Variants in CAST observed in about 807,000 individuals in gnomAD.
The protein encoded by CAST is calpastatin.
Under a neutral mutation model 119.6 loss-of-function variants are expected in CAST, and 76 were observed. That is an observed-to-expected ratio of 0.64 (90% CI 0.53 to 0.77). The LOEUF is 0.77. Ranked by LOEUF, CAST falls within the 30% of genes least tolerant of loss-of-function variation. The probability of loss-of-function intolerance (pLI) is 0.00; values close to 1 mark genes in which losing one functional copy is unlikely to be tolerated. For missense variants in CAST, 953 were observed against 946.5 expected, an observed-to-expected ratio of 1.01 and a Z score of -0.09; for synonymous variants, 319 against 331.6, an observed-to-expected ratio of 0.96 and a Z score of 0.41.
intron 3 of CAST, among the ~76,000 whole-genome samples, chr5:96,703,560 C>T (rs1431508060): frequency 6.6e-6 from 1 of 152,186 alleles, no homozygotes; most frequent in South Asian, 2.1e-4. Context: ...ACTTTCTCTT[C>T]TGTATGGTTA....
intron 1 of CAST, among the ~76,000 whole-genome samples, chr5:96,653,042 T>G (rs201184877): frequency 3.3e-5 from 5 of 152,226 alleles, no homozygotes; most frequent in African/African-American, 1.2e-4. Flanking sequence ...AGCCTGAGTT[T>G]CCCACAGCCA....
chr5:96,593,063 C>G (rs1012787634), intron 1 of CAST, among the ~76,000 whole-genome samples: 1 of 152,234 alleles, frequency 6.6e-6, no homozygotes, highest in Non-Finnish European at 1.5e-5. Flanking sequence ...CTGTGCCCAG[C>G]CTGGCACTTA....
chr5:96,446,861 G>A, the CAST span, among the ~76,000 whole-genome samples: 1 of 152,208 alleles, frequency 6.6e-6, no homozygotes, highest in Non-Finnish European at 1.5e-5. Context: ...TGGAATATGA[G>A]CATGCCACCT....
At chr5:96,100,694 A>C in the CAST span, among the ~76,000 whole-genome samples, 1 of 152,164 alleles carries the variant, frequency 6.6e-6, no homozygotes, top group Non-Finnish European at 1.5e-5. Flanking sequence ...AAGGCAAAGA[A>C]GTATAGTAAT....
At chr5:96,429,242 T>C in the CAST span, 7 of 1,590,380 alleles carry the variant, frequency 4.4e-6, no homozygotes, top group East Asian at 8.9e-5. Context: ...CTCTTAGTGA[T>C]ATGAAAGGCA....
chr5:96,127,232 T>A, the CAST span, among the ~76,000 whole-genome samples: 2 of 152,138 alleles, frequency 1.3e-5, no homozygotes, highest in African/African-American at 4.8e-5. Context: ...ATTAGATGCA[T>A]CATTACAAAT....
intron 1 of CAST, among the ~76,000 whole-genome samples, chr5:96,599,966 C>CAAA (rs74978713): frequency 6.4e-5 from 3 of 47,204 alleles, no homozygotes; most frequent in Non-Finnish European, 1.5e-4. Flanking sequence ...CTTCATTAGG[C>CAAA]AAAAAAAAAA....
intron 1 of CAST, among the ~76,000 whole-genome samples, chr5:96,641,265 GATAATA>G (rs550143409): frequency 6.6e-6 from 1 of 151,928 alleles, no homozygotes; most frequent in South Asian, 2.1e-4. Context: ...TTTGTCTAGT[GATAATA>G]ATAATAATAA....
the CAST span, chr5:96,423,199 A>G: frequency 9.8e-7 from 1 of 1,025,366 alleles, no homozygotes; most frequent in Non-Finnish European, 1.5e-6. Flanking sequence ...ACCTTGGCCC[A>G]TAATCCCAGG....
chr5:96,614,594 G>A (rs72772037), intron 1 of CAST, among the ~76,000 whole-genome samples: 5,340 of 152,228 alleles, frequency 0.035, 135 homozygotes, highest in African/African-American at 0.067. Flanking sequence ...TGTGGGGAAC[G>A]GGAAGCTATT....
chr5:96,635,902 A>G (rs1285568975), intron 1 of CAST, among the ~76,000 whole-genome samples: 2 of 152,108 alleles, frequency 1.3e-5, no homozygotes, highest in African/African-American at 4.8e-5. Context: ...CTTCTTCCCT[A>G]CTACTTCCTA....
At chr5:96,648,717 C>CGTGTGTGTGTGTGTGTGTGTGTGT (rs72068689) in intron 1 of CAST, among the ~76,000 whole-genome samples, 17 of 148,914 alleles carry the variant, frequency 1.1e-4, no homozygotes, top group African/African-American at 4.0e-4. Flanking sequence ...TATATATATG[C>CGTGTGTGTGTGTGTGTGTGTGTGT]GTGTGTGTGT....
chr5:96,743,483 A>C (rs1438732095), intron 16 of CAST: 1 of 1,193,882 alleles, frequency 8.4e-7, no homozygotes, highest in East Asian at 2.7e-5. Flanking sequence ...CCCCACCTCC[A>C]TCAGCTCAGG....
the CAST span, among the ~76,000 whole-genome samples, chr5:96,007,105 C>T: frequency 2.6e-5 from 4 of 152,144 alleles, no homozygotes; most frequent in African/African-American, 4.8e-5. Flanking sequence ...GTTTTAAGGT[C>T]ATATTCTTCA....
chr5:96,601,702 C>T (rs917281510), intron 1 of CAST, among the ~76,000 whole-genome samples: 2 of 152,070 alleles, frequency 1.3e-5, no homozygotes, highest in Non-Finnish European at 2.9e-5. Context: ...TGTACATTTC[C>T]TTTGTGCATC....
rs1763752874 is a variant in CAST, at chr5:96,746,337, A to T, written c.1201-5A>T. 1.9e-6 allele frequency: 3 copies of T among 1,580,236 alleles called. No homozygotes were observed. The highest frequency in any genetic ancestry group is 1.7e-6 in the Non-Finnish European group (2 of 1,149,300). ...TACTTTTTTTTTCCCCTCCATTTTC[A>T]TCAGGCAAAAGCTAAAGAAGAAAAA... is the stretch of plus-strand genomic sequence containing the variant. On this transcript the variant is annotated splice_polypyrimidine_tract_variant and splice_region_variant and intron_variant, in intron 16 of 31. Coordinates refer to ENST00000675179, the MANE Select transcript of CAST (RefSeq NM_001750.7).
chr5:96,109,933 T>TA, the CAST span, among the ~76,000 whole-genome samples: 17,081 of 146,554 alleles, frequency 0.12, 1,097 homozygotes, highest in East Asian at 0.23. Flanking sequence ...GTAAAAATGA[T>TA]AAAAAAAAAA....
the CAST span, among the ~76,000 whole-genome samples, chr5:96,419,445 C>CCA: frequency 9.1e-3 from 1,360 of 149,524 alleles, 27 homozygotes; most frequent in African/African-American, 0.032. Context: ...CCCTCTCTCT[C>CCA]TCTATATATA....
intron 28 of CAST, 97 bp from the exon 29 acceptor site, chr5:96,767,810 A>G (rs936863033): frequency 2.6e-5 from 19 of 730,658 alleles, no homozygotes; most frequent in Non-Finnish European, 4.1e-5. Context: ...TTTTTCTTAT[A>G]GAAACATCTT....
Sources: gnomAD v4.1 joint callset for allele counts (sites outside exome capture counted in the v4.1 genomes callset) on GRCh38, gnomAD v4.1.1 for gene constraint, MANE v1.5 for transcripts, NCBI Gene and HGNC (gene_info 2026-07-23, HGNC 2026-07-21) for gene names.